Variants in FKBP5 observed in about 807,000 individuals in gnomAD.
The protein encoded by FKBP5 is peptidyl-prolyl cis-trans isomerase FKBP5.
In FKBP5, 23 loss-of-function variants were observed where a neutral mutation model predicts 50.5. That is an observed-to-expected ratio of 0.46 (90% CI 0.33 to 0.65). The LOEUF (loss-of-function observed/expected upper bound fraction) is 0.65, where lower values mean the gene tolerates loss of function less well. Ranked by LOEUF, FKBP5 falls within the 30% of genes least tolerant of loss-of-function variation. FKBP5 has a pLI of 0.02. For synonymous variants in FKBP5, 176 were observed against 190.6 expected (o/e 0.92, Z 0.63); for missense variants, 411 against 553.1 (o/e 0.74, Z 2.58).
At chr6:35,655,480 C>A (rs1158372983) in intron 1 of FKBP5, among the ~76,000 whole-genome samples, 2 of 152,112 alleles carry the variant, frequency 1.3e-5, no homozygotes, top group Non-Finnish European at 2.9e-5. Context: ...TTCTAAGTGT[C>A]CTGATGATTT....
rs531257327 is a variant in FKBP5 at position 35,687,018 on chromosome 6, C to T, written c.-20+1786G>A. Among the ~76,000 whole-genome samples the T allele has an allele frequency of 3.7e-4, 57 of 152,232 alleles. No homozygotes were observed. In the Middle Eastern group the frequency reaches 0.014, roughly 36 times the overall value. On this transcript the variant is annotated intron_variant, in intron 1 of 10. Coordinates refer to ENST00000357266, the MANE Select transcript of FKBP5 (RefSeq NM_004117.4). Reference sequence around the variant, plus strand: ...ATTATTGGTTGAAGAGTTGATGGTTCAATGGCGAACTCTTATCAGCTATTA... The same window carrying T: ...ATTATTGGTTGAAGAGTTGATGGTTTAATGGCGAACTCTTATCAGCTATTA...
intron 2 of FKBP5, among the ~76,000 whole-genome samples, chr6:35,713,099 AAAAAG>A (rs900795682): frequency 4.0e-5 from 6 of 151,010 alleles, no homozygotes; most frequent in African/African-American, 9.7e-5. Context: ...AAAAAAAAAA[AAAAAG>A]AAGAAGAAGA....
intron 2 of FKBP5, among the ~76,000 whole-genome samples, chr6:35,701,703 C>T (rs1766193105): frequency 6.6e-6 from 1 of 152,014 alleles, no homozygotes. Flanking sequence ...TGATGCCCTA[C>T]TAATTTTGTT....
intron 3 of FKBP5, among the ~76,000 whole-genome samples, chr6:35,631,472 G>T (rs952282695): frequency 6.6e-6 from 1 of 152,130 alleles, no homozygotes; most frequent in Non-Finnish European, 1.5e-5. Context: ...TTAGGGTAAA[G>T]AAATTGTTTT....
chr6:35,704,027 T>G (rs1340322406), intron 2 of FKBP5, among the ~76,000 whole-genome samples: 1 of 152,176 alleles, frequency 6.6e-6, no homozygotes, highest in Non-Finnish European at 1.5e-5. Context: ...CTCCCAACGA[T>G]TCTGTGAGTT....
chr6:35,600,414 T>C (rs886863219), intron 5 of FKBP5, among the ~76,000 whole-genome samples: 6 of 149,440 alleles, frequency 4.0e-5, no homozygotes, highest in African/African-American at 9.8e-5. Context: ...TGAGACCGTC[T>C]CAAAAAAAAA....
chr6:35,600,706 A>G (rs541947871), intron 5 of FKBP5, among the ~76,000 whole-genome samples: 12 of 152,220 alleles, frequency 7.9e-5, no homozygotes, highest in African/African-American at 2.6e-4. Context: ...AGGAGAGTAC[A>G]TTTAGTGGGG....
chr6:35,713,513 G>T (rs1342502673), intron 2 of FKBP5, among the ~76,000 whole-genome samples: 1 of 152,146 alleles, frequency 6.6e-6, no homozygotes, highest in Non-Finnish European at 1.5e-5. Context: ...AGGCACAGAG[G>T]TTTTAAAAGA....
At chr6:35,701,088 T>A (rs1048528304) in intron 2 of FKBP5, among the ~76,000 whole-genome samples, 14 of 152,274 alleles carry the variant, frequency 9.2e-5, no homozygotes, top group African/African-American at 2.2e-4. Context: ...GAACATAATT[T>A]GCATATGAAA....
intron 1 of FKBP5, chr6:35,664,611 G>A (rs952537048): frequency 6.5e-6 from 1 of 153,876 alleles, no homozygotes; most frequent in African/African-American, 2.4e-5. Flanking sequence ...TCTCTGCCTG[G>A]GCATTCTTTC....
At chr6:35,695,436 G>C (rs891377544) in intron 2 of FKBP5, among the ~76,000 whole-genome samples, 1 of 152,176 alleles carries the variant, frequency 6.6e-6, no homozygotes, top group Non-Finnish European at 1.5e-5. Context: ...AAAGTGCTGG[G>C]ATTACAGGCA....
chr6:35,728,293 C>A (rs571830040), intron 1 of FKBP5, among the ~76,000 whole-genome samples: 15 of 152,306 alleles, frequency 9.8e-5, no homozygotes, highest in African/African-American at 3.6e-4. Context: ...ACGGCCCGCT[C>A]CTCTGCTCGC....
chr6:35,726,394 A>G lies in FKBP5; in HGVS notation c.-241+2114T>C, dbSNP rs374212251. On this transcript the variant is annotated intron_variant, in intron 1 of 11. Transcript: ENST00000536438. Reference sequence around the variant, plus strand: ...TTGGGAAGGCAGGCCTGGCTTGGGCACTGTGCCCTCCAAGCCTCCCAATCC... The same window carrying G: ...TTGGGAAGGCAGGCCTGGCTTGGGCGCTGTGCCCTCCAAGCCTCCCAATCC... 1.6e-4 allele frequency among the ~76,000 whole-genome samples: 25 copies of G among 152,166 alleles called. No individual in the cohort carries two copies. The East Asian group carries it at 4.2e-3, about 26-fold the overall frequency.
intron 8 of FKBP5, chr6:35,583,527 T>G: frequency 1.0e-6 from 1 of 985,470 alleles, no homozygotes; most frequent in South Asian, 4.7e-5. Flanking sequence ...AAAGTCTGTC[T>G]TGTACTCCCT....
rs758119749 is a variant in FKBP5, at chr6:35,588,767, ATTT to A, written c.757-1653_757-1651del. ...AAGCATGTGCCACCATGTCCAGCTA[ATTT>A]TTTTTTTTTTTTTTTGGTAGAGACG... On this transcript the variant is annotated intron_variant, in intron 7 of 10. Coordinates refer to ENST00000357266, the MANE Select transcript of FKBP5 (RefSeq NM_004117.4). Among the ~76,000 whole-genome samples the A allele has an allele frequency of 8.2e-3, 1,116 of 135,692 alleles. 11 individuals are homozygous for A. Among genetic ancestry groups the A allele is most frequent in the African/African-American group, 0.026 (963 of 37,014 alleles). The allele number at this position is 135,692 out of a possible 152,430, so 89.0% of individuals were successfully genotyped here.
rs537569513 is a variant in FKBP5 at position 35,596,827 on chromosome 6, G to A, written c.665+421C>T. On this transcript the variant is annotated intron_variant, in intron 6 of 10. Transcript: ENST00000357266. ...TTTTTTTTTCAGGGACTCTGTATAAGAACAAGTGGCACAAGTTCAAGTGGT... is the reference window on the plus strand; with the variant it reads ...TTTTTTTTTCAGGGACTCTGTATAAAAACAAGTGGCACAAGTTCAAGTGGT... 6.9e-4 allele frequency among the ~76,000 whole-genome samples: 105 copies of A among 152,016 alleles called. 1 individual carries two copies. The highest frequency in any genetic ancestry group is 8.7e-4 in the Non-Finnish European group (59 of 67,980).
chr6:35,596,529 G>A (rs1387030570), intron 6 of FKBP5, among the ~76,000 whole-genome samples: 1 of 152,036 alleles, frequency 6.6e-6, no homozygotes, highest in Admixed American at 6.5e-5. Context: ...CCATGGAGCC[G>A]GAGGGAGGAT....
Position 35,574,559 on chromosome 6 carries a change from C to T in FKBP5, c.*1276G>A, listed in dbSNP as rs1014310290. The T allele has an allele frequency of 2.0e-5, 3 of 152,240 alleles. No individual in the cohort carries two copies. The highest frequency in any genetic ancestry group is 4.8e-5 in the African/African-American group (2 of 41,412). 9.4% of individuals were successfully genotyped at this position (152,240 alleles called of 1,614,324 possible). A position where few individuals can be genotyped will look rare whatever the true frequency, so the allele number is the denominator to read the frequency against. The stretch of plus-strand genomic sequence containing the variant: ...GAGATTTAGGCTACTGGCTGTGTAC[C>T]GGCATGGGAAGCTGTCTTCAACTCT... On this transcript the variant is annotated 3_prime_UTR_variant, in exon 11 of 11. Coordinates refer to ENST00000357266, the MANE Select transcript of FKBP5 (RefSeq NM_004117.4).
chr6:35,589,650 A>C (rs993522129), intron 7 of FKBP5, among the ~76,000 whole-genome samples: 4 of 152,222 alleles, frequency 2.6e-5, no homozygotes, highest in Non-Finnish European at 5.9e-5. Flanking sequence ...GCTGCTTTAC[A>C]AAAATGGAAA....
Sources: gnomAD v4.1 joint callset for allele counts (sites outside exome capture counted in the v4.1 genomes callset) on GRCh38, gnomAD v4.1.1 for gene constraint, MANE v1.5 for transcripts, NCBI Gene and HGNC (gene_info 2026-07-23, HGNC 2026-07-21) for gene names.